RBFOX1: variants seen among roughly 807,000 people sequenced by gnomAD.
RBFOX1 encodes the protein RNA binding fox-1 homolog 1, also known as RNA binding protein fox-1 homolog 1.
RBFOX1 carries 8 observed loss-of-function variants against 57.7 expected under a neutral mutation model. The ratio of observed to expected loss-of-function variants is 0.14; its 90% CI spans 0.08 to 0.25. The LOEUF (loss-of-function observed/expected upper bound fraction) is 0.25. Among genes scored for constraint, RBFOX1 ranks in the 10% least tolerant of loss-of-function variants. The pLI, the probability that RBFOX1 is intolerant of heterozygous loss-of-function variation, is 1.00. For synonymous variants in RBFOX1, 326 were observed against 222.4 expected (o/e 1.47, Z -4.15); for missense variants, 611 against 548.5 (o/e 1.11, Z -1.14).
intron 3 of RBFOX1, among the ~76,000 whole-genome samples, chr16:6,771,583 A>G (rs1235621670): frequency 1.3e-5 from 2 of 152,204 alleles, no homozygotes; most frequent in African/African-American, 2.4e-5. Context: ...TGCAGATAGT[A>G]TAGAGAGCTT....
chr16:5,742,278 C>CCCTCCCTCCCTTCCTG (rs1567477010), intron 3 of RBFOX1, among the ~76,000 whole-genome samples: 71 of 141,122 alleles, frequency 5.0e-4, no homozygotes, highest in African/African-American at 1.8e-3. Flanking sequence ...CTTTCTTCCT[C>CCCTCCCTCCCTTCCTG]CCTCCCTCCC....
chr16:5,768,371 T>C (rs1333713798), intron 3 of RBFOX1, among the ~76,000 whole-genome samples: 1 of 152,218 alleles, frequency 6.6e-6, no homozygotes, highest in Non-Finnish European at 1.5e-5. Flanking sequence ...CGGCTGTTTT[T>C]TTCTTTTGCA....
At chr16:6,781,170 A>G (rs2080955433) in intron 3 of RBFOX1, among the ~76,000 whole-genome samples, 1 of 152,128 alleles carries the variant, frequency 6.6e-6, no homozygotes, top group Non-Finnish European at 1.5e-5. Flanking sequence ...TGATTTTTGT[A>G]GATGGTGAGG....
chr16:7,518,344 G>T lies in RBFOX1; in HGVS notation c.225G>T (p.Gln75His), dbSNP rs773850324. 1.2e-5 allele frequency: 19 copies of T among 1,613,586 alleles called. 1 individual carries two copies. In the South Asian group the frequency reaches 2.0e-4, roughly 17 times the overall value. Residue 75 changes from glutamine to histidine, a missense_variant, in exon 5 of 16, where the codon CAG (glutamine) becomes CAT (histidine). Coordinates refer to ENST00000550418, the MANE Select transcript of RBFOX1 (RefSeq NM_018723.4). ...CTCCCGCCCAGACGCACTCCGAGCA[G>T]AGCCCGGCGGACACGAGCGCTCAGA... ...LYPPAQTHSE[Q>H]SPADTSAQTV...
chr16:5,694,481 G>C (rs1046600228), intron 3 of RBFOX1, among the ~76,000 whole-genome samples: 1 of 152,114 alleles, frequency 6.6e-6, no homozygotes, highest in African/African-American at 2.4e-5. Flanking sequence ...AAATCGGTAG[G>C]CATTTCTGGG....
intron 4 of RBFOX1, among the ~76,000 whole-genome samples, chr16:7,058,693 C>G (rs2053273923): frequency 6.6e-6 from 1 of 151,996 alleles, no homozygotes; most frequent in South Asian, 2.1e-4. Flanking sequence ...AAAAAAGGTT[C>G]TTAATTATTG....
intron 4 of RBFOX1, among the ~76,000 whole-genome samples, chr16:7,186,098 AT>A (rs1298022868): frequency 3.9e-5 from 6 of 152,048 alleles, no homozygotes; most frequent in Non-Finnish European, 5.9e-5. Flanking sequence ...TGTCACTGGT[AT>A]TTAATTGCAC....
chr16:7,415,138 A>G lies in RBFOX1; in HGVS notation c.28-103009A>G, dbSNP rs149132815. Among the ~76,000 whole-genome samples the G allele has an allele frequency of 3.7e-3, 560 of 152,312 alleles. 1 individual carries two copies. The highest frequency in any genetic ancestry group is 0.012 in the African/African-American group (506 of 41,564). ...CTCTTAAGGAACTAATTATTTTGTT[A>G]CCATTTTCTGTATTTATTATATTGC... On this transcript the variant is annotated intron_variant, in intron 4 of 15. Transcript: ENST00000550418.
intron 3 of RBFOX1, among the ~76,000 whole-genome samples, chr16:6,844,676 A>G (rs1411815671): frequency 6.6e-6 from 1 of 152,060 alleles, no homozygotes; most frequent in Non-Finnish European, 1.5e-5. Flanking sequence ...TAAAAGAATG[A>G]TTTCTGTTCC....
intron 4 of RBFOX1, among the ~76,000 whole-genome samples, chr16:5,950,724 C>G (rs1838857245): frequency 6.6e-6 from 1 of 152,206 alleles, no homozygotes; most frequent in Non-Finnish European, 1.5e-5. Flanking sequence ...CAGGCACCTA[C>G]TGGGTACTCA....
chr16:7,306,761 C>T (rs916989399), intron 4 of RBFOX1, among the ~76,000 whole-genome samples: 17 of 152,238 alleles, frequency 1.1e-4, no homozygotes, highest in South Asian at 8.3e-4. Flanking sequence ...CCATTACTGT[C>T]GTGATAGTTC....
intron 1 of RBFOX1, among the ~76,000 whole-genome samples, chr16:6,225,809 A>T (rs894139554): frequency 6.6e-6 from 1 of 152,216 alleles, no homozygotes; most frequent in African/African-American, 2.4e-5. Flanking sequence ...AGGAGACATG[A>T]CTGAAGTGTG....
At chr16:6,701,643 C>G (rs527540737) in intron 3 of RBFOX1, among the ~76,000 whole-genome samples, 4 of 152,040 alleles carry the variant, frequency 2.6e-5, no homozygotes, top group African/African-American at 7.3e-5. Flanking sequence ...TAAAGGCGTA[C>G]GTACACCTGT....
rs137910857 is a variant in RBFOX1 at position 6,791,623 on chromosome 16, G to C, written c.-16+136973G>C. On this transcript the variant is annotated intron_variant, in intron 3 of 15. Transcript: ENST00000550418. ...AAAATACAAAAATCAGCCAGGTGTA[G>C]TGGTGCGTGCTTGTAGTCCCAGCTA... 0.022 allele frequency among the ~76,000 whole-genome samples: 3,379 copies of C among 152,316 alleles called. 258 individuals carry two copies. In the East Asian group the frequency reaches 0.28, roughly 13 times the overall value.
intron 4 of RBFOX1, among the ~76,000 whole-genome samples, chr16:7,446,967 C>A (rs559911473): frequency 4.0e-5 from 6 of 151,706 alleles, no homozygotes; most frequent in African/African-American, 1.4e-4. Flanking sequence ...TGCCCGCCAC[C>A]ACACCTGGCT....
intron 4 of RBFOX1, among the ~76,000 whole-genome samples, chr16:7,315,070 A>T (rs182079414): frequency 7.0e-6 from 1 of 142,294 alleles, no homozygotes; most frequent in East Asian, 2.2e-4. Context: ...CAATCTTTCA[A>T]GATACCAGCA....
intron 4 of RBFOX1, among the ~76,000 whole-genome samples, chr16:5,975,810 G>C (rs1282832280): frequency 2.6e-5 from 4 of 152,176 alleles, no homozygotes; most frequent in Non-Finnish European, 4.4e-5. Context: ...TGAATGGCTA[G>C]CGCTCGACAT....
intron 1 of RBFOX1, among the ~76,000 whole-genome samples, chr16:5,390,073 C>G (rs1034194637): frequency 6.6e-6 from 1 of 152,076 alleles, no homozygotes; most frequent in African/African-American, 2.4e-5. Context: ...TGAAGTATGA[C>G]ATGCCTACAG....
intron 4 of RBFOX1, among the ~76,000 whole-genome samples, chr16:7,290,486 G>GCTT (rs1221344015): frequency 6.6e-6 from 1 of 152,182 alleles, no homozygotes; most frequent in African/African-American, 2.4e-5. Flanking sequence ...CCAGCACCAT[G>GCTT]CTTCGCACAG....
Sources: allele counts gnomAD v4.1 joint callset (sites outside exome capture counted in the v4.1 genomes callset), GRCh38; gene constraint gnomAD v4.1.1; transcripts MANE v1.5; gene names NCBI Gene and HGNC (gene_info 2026-07-23, HGNC 2026-07-21).